Variants in CNTLN observed in about 807,000 individuals in gnomAD.
CNTLN encodes centlein, also known as centlein, centrosomal protein.
CNTLN carries 212 observed loss-of-function variants against 180.0 expected under a neutral mutation model. The ratio of observed to expected loss-of-function variants is 1.18; its 90% CI spans 1.05 to 1.32. The LOEUF (loss-of-function observed/expected upper bound fraction) is 1.32. CNTLN is among the 40% of genes most tolerant of loss of function. The probability of loss-of-function intolerance (pLI) is 0.00; values close to 1 mark genes in which losing one functional copy is unlikely to be tolerated. For missense variants in CNTLN, 2,095 were observed against 1,610.9 expected (o/e 1.30, Z -5.14); for synonymous variants, 722 against 563.1 (o/e 1.28, Z -3.99).
At chr9:17,510,311 T>C in the CNTLN span, among the ~76,000 whole-genome samples, 2 of 152,186 alleles carry the variant, frequency 1.3e-5, no homozygotes, top group African/African-American at 4.8e-5. Flanking sequence ...ACATGACCAA[T>C]TACATAAATG....
chr9:17,243,583 G>C (rs1360737417), intron 5 of CNTLN, among the ~76,000 whole-genome samples: 1 of 152,074 alleles, frequency 6.6e-6, no homozygotes, highest in Non-Finnish European at 1.5e-5. Context: ...TGGTTATTCA[G>C]GAGCATATTG....
chr9:17,378,914 G>A (rs1234620184), intron 13 of CNTLN, among the ~76,000 whole-genome samples: 2 of 152,124 alleles, frequency 1.3e-5, no homozygotes, highest in Admixed American at 6.5e-5. Context: ...CTTTCTGCCT[G>A]AAGGACTTCT....
At chr9:17,320,646 G>C (rs1055079894) in intron 8 of CNTLN, among the ~76,000 whole-genome samples, 12 of 151,998 alleles carry the variant, frequency 7.9e-5, no homozygotes, top group Non-Finnish European at 1.8e-4. Flanking sequence ...GGGATTACAG[G>C]CACGAGCCTC....
intron 12 of CNTLN, among the ~76,000 whole-genome samples, chr9:17,357,044 T>C (rs900804146): frequency 6.6e-6 from 1 of 152,114 alleles, no homozygotes; most frequent in African/African-American, 2.4e-5. Context: ...CCCTGTCTCT[T>C]TCTGCTTTCT....
At chr9:17,487,757 CT>C (rs1246735742) in intron 25 of CNTLN, among the ~76,000 whole-genome samples, 1 of 151,946 alleles carries the variant, frequency 6.6e-6, no homozygotes, top group African/African-American at 2.4e-5. Flanking sequence ...CTGTGTGATA[CT>C]TTTTCTTCCC....
intron 18 of CNTLN, among the ~76,000 whole-genome samples, chr9:17,433,689 G>C (rs1829570614): frequency 6.6e-6 from 1 of 151,962 alleles, no homozygotes; most frequent in South Asian, 2.1e-4. Flanking sequence ...GTGCAGTGAC[G>C]TGATCATGGC....
At chr9:17,382,384 C>T (rs566212187) in intron 13 of CNTLN, among the ~76,000 whole-genome samples, 6 of 152,236 alleles carry the variant, frequency 3.9e-5, no homozygotes, top group East Asian at 3.9e-4. Flanking sequence ...ATCAAGCCTT[C>T]GGAAATGGTC....
intron 5 of CNTLN, among the ~76,000 whole-genome samples, chr9:17,239,152 C>T (rs1825334748): frequency 6.6e-6 from 1 of 152,118 alleles, no homozygotes. Context: ...TATTCTCCTC[C>T]CGAGAAGAGG....
chr9:17,143,284 T>G lies in CNTLN; in HGVS notation c.361-4T>G. On this transcript the variant is annotated splice_region_variant and splice_polypyrimidine_tract_variant and intron_variant, in intron 1 of 25. Coordinates refer to ENST00000380647, the MANE Select transcript of CNTLN (RefSeq NM_017738.4). ...GCATCTAAATTCTCTTTTATTTCTTTAAGGCTGATAAAGAATTTGTATGGT... is the reference window on the plus strand; with the variant it reads ...GCATCTAAATTCTCTTTTATTTCTTGAAGGCTGATAAAGAATTTGTATGGT... The G allele has an allele frequency of 6.2e-7, 1 of 1,607,644 alleles. No homozygotes were observed. Among genetic ancestry groups the G allele is most frequent in the Admixed American group, 1.7e-5 (1 of 59,798 alleles).
chr9:17,295,728 G>A (rs1817849941), intron 6 of CNTLN, among the ~76,000 whole-genome samples: 1 of 152,086 alleles, frequency 6.6e-6, no homozygotes, highest in Admixed American at 6.6e-5. Flanking sequence ...AGTTGTGCGA[G>A]CTTTGCTTGC....
intron 18 of CNTLN, among the ~76,000 whole-genome samples, chr9:17,420,413 T>C (rs11999572): frequency 0.039 from 5,878 of 152,280 alleles, 263 homozygotes; most frequent in African/African-American, 0.11. Flanking sequence ...TTGTAATATC[T>C]GCTTTTTCAC....
chr9:17,436,099 G>A (rs1258657047), intron 18 of CNTLN, among the ~76,000 whole-genome samples: 2 of 152,094 alleles, frequency 1.3e-5, no homozygotes, highest in African/African-American at 2.4e-5. Flanking sequence ...CAATTTAAAA[G>A]CAAGAATATG....
In CNTLN at chr9:17,457,590, TC is replaced by T; in HGVS notation, c.3182del (p.Ser1061TyrfsTer14). On this transcript the variant is annotated frameshift_variant, in exon 19 of 26. Coordinates refer to ENST00000380647, the MANE Select transcript of CNTLN (RefSeq NM_017738.4). LOFTEE classifies it high-confidence loss of function. ...KEDLLKKLES[S>X]SEITSLAEEN... The stretch of plus-strand genomic sequence containing the variant: ...AGATTTACTAAAGAAATTGGAGTCC[TC>T]ATCTGAAATCACAAGTTTGGCAGAA... 1 of 1,559,168 alleles carries T rather than the reference TC, an allele frequency of 6.4e-7. No homozygotes were observed. Among genetic ancestry groups the T allele is most frequent in the Non-Finnish European group, 8.7e-7 (1 of 1,150,824 alleles).
At chr9:17,262,279 T>C (rs983466778) in intron 5 of CNTLN, among the ~76,000 whole-genome samples, 2 of 151,568 alleles carry the variant, frequency 1.3e-5, no homozygotes, top group African/African-American at 4.9e-5. Context: ...TGCACACGTA[T>C]GTTTATTGCA....
chr9:17,492,023 A>T (rs1251151261), intron 25 of CNTLN, among the ~76,000 whole-genome samples: 1 of 152,004 alleles, frequency 6.6e-6, no homozygotes, highest in East Asian at 1.9e-4. Context: ...ATACTCACTC[A>T]CTCACTCTGT....
At chr9:17,424,888 C>T in intron 18 of CNTLN, among the ~76,000 whole-genome samples, 1 of 152,118 alleles carries the variant, frequency 6.6e-6, no homozygotes, top group Non-Finnish European at 1.5e-5. Flanking sequence ...GACTTCCTAG[C>T]CTCCCAAACC....
intron 5 of CNTLN, among the ~76,000 whole-genome samples, chr9:17,244,663 T>A (rs1163172125): frequency 1.3e-5 from 2 of 152,188 alleles, no homozygotes; most frequent in African/African-American, 4.8e-5. Context: ...AAGTAAGGAC[T>A]TACTCCTGCC....
At chr9:17,401,838 T>C (rs544821014) in intron 15 of CNTLN, among the ~76,000 whole-genome samples, 1 of 151,902 alleles carries the variant, frequency 6.6e-6, no homozygotes, top group Non-Finnish European at 1.5e-5. Flanking sequence ...AACATCTATA[T>C]AGTAACAGAT....
At chr9:17,299,398 A>G (rs371066659) in intron 7 of CNTLN, 173 of 936,088 alleles carry the variant, frequency 1.8e-4, no homozygotes, top group Non-Finnish European at 2.0e-4. Context: ...GTTAAATAAT[A>G]CACAGTTCAT....
Sources: gnomAD v4.1 joint callset for allele counts (sites outside exome capture counted in the v4.1 genomes callset) on GRCh38, gnomAD v4.1.1 for gene constraint, MANE v1.5 for transcripts, NCBI Gene and HGNC (gene_info 2026-07-23, HGNC 2026-07-21) for gene names.